The following TBC1D5 variants were observed in gnomAD, a reference collection of about 807,000 sequenced individuals.
TBC1D5 encodes the protein TBC1 domain family member 5.
Under a neutral mutation model 100.3 loss-of-function variants are expected in TBC1D5, and 75 were observed. That is an observed-to-expected ratio of 0.75 (90% CI 0.62 to 0.91). The LOEUF is 0.91. Among genes scored for constraint, TBC1D5 ranks in the 40% least tolerant of loss-of-function variants. The pLI is 0.00. For missense variants in TBC1D5, 910 were observed against 942.4 expected (o/e 0.97, Z 0.45); for synonymous variants, 323 against 325.6 (o/e 0.99, Z 0.09).
chr3:17,600,571 T>C (rs1036653157), intron 2 of TBC1D5, among the ~76,000 whole-genome samples: 1 of 152,108 alleles, frequency 6.6e-6, no homozygotes, highest in African/African-American at 2.4e-5. Flanking sequence ...CAAAATTCCA[T>C]AAGAAAAATG....
At chr3:17,418,576 A>G (rs1427162282) in intron 4 of TBC1D5, among the ~76,000 whole-genome samples, 1 of 152,094 alleles carries the variant, frequency 6.6e-6, no homozygotes, top group Non-Finnish European at 1.5e-5. Context: ...CTCTAGCCTA[A>G]GCAACAGAGT....
At chr3:17,405,263 T>C (rs1348798413) in intron 5 of TBC1D5, among the ~76,000 whole-genome samples, 2 of 152,040 alleles carry the variant, frequency 1.3e-5, no homozygotes, top group African/African-American at 4.8e-5. Context: ...TCAAATATAA[T>C]TCACATTTTA....
chr3:17,345,683 A>G (rs1303337276), intron 13 of TBC1D5, among the ~76,000 whole-genome samples: 2 of 151,610 alleles, frequency 1.3e-5, no homozygotes, highest in Non-Finnish European at 3.0e-5. Context: ...ATGTCCAACA[A>G]TGATAGACTG....
At chr3:17,455,041 C>T (rs2095025953) in intron 3 of TBC1D5, among the ~76,000 whole-genome samples, 2 of 151,402 alleles carry the variant, frequency 1.3e-5, no homozygotes, top group Middle Eastern at 3.4e-3. Flanking sequence ...AGATTCAATG[C>T]ATTCGCTATC....
intron 3 of TBC1D5, among the ~76,000 whole-genome samples, chr3:17,456,025 G>A (rs1044032968): frequency 6.6e-6 from 1 of 152,018 alleles, no homozygotes; most frequent in Non-Finnish European, 1.5e-5. Context: ...TTTGACAAAG[G>A]TGCCACTAAC....
intron 17 of TBC1D5, among the ~76,000 whole-genome samples, chr3:17,218,953 T>C (rs1417283102): frequency 6.6e-6 from 1 of 151,874 alleles, no homozygotes; most frequent in Non-Finnish European, 1.5e-5. Context: ...TTCATAAAAA[T>C]TGTGAAATAT....
In TBC1D5 at chr3:17,308,094, GCAGGGGGAACTCTCGTCCAA is replaced by G; in HGVS notation, c.1016_1035del (p.Phe339SerfsTer38). ...GCATCCCAGACCACCAGAAGGTCCT[GCAGGGGGAACTCTCGTCCAA>G]ATAGCAGCCGCACCCACCTTCTGGA... On this transcript the variant is annotated frameshift_variant, in exon 14 of 22. Transcript: ENST00000253692. LOFTEE classifies it high-confidence loss of function. The G allele has an allele frequency of 6.2e-7, 1 of 1,606,020 alleles. No homozygotes were observed. Among genetic ancestry groups the G allele is most frequent in the Non-Finnish European group, 8.5e-7 (1 of 1,178,170 alleles).
intron 5 of TBC1D5, 31 bp downstream of exon 5, chr3:17,406,387 C>G: frequency 6.3e-7 from 1 of 1,590,666 alleles, no homozygotes; most frequent in Non-Finnish European, 8.6e-7. Context: ...ATATTGCAAC[C>G]AGAAACTGTA....
intron 3 of TBC1D5, among the ~76,000 whole-genome samples, chr3:17,507,978 A>G (rs1343730070): frequency 2.0e-5 from 3 of 152,066 alleles, no homozygotes; most frequent in Non-Finnish European, 2.9e-5. Flanking sequence ...ATTTCAGTGT[A>G]TAGATCTTTT....
intron 4 of TBC1D5, among the ~76,000 whole-genome samples, chr3:17,418,418 G>A (rs769768010): frequency 7.9e-5 from 12 of 152,072 alleles, no homozygotes; most frequent in Admixed American, 5.2e-4. Context: ...GACCAGCCTG[G>A]CCAACATGGT....
At chr3:17,473,932 T>C (rs1433755540) in intron 3 of TBC1D5, among the ~76,000 whole-genome samples, 3 of 152,070 alleles carry the variant, frequency 2.0e-5, no homozygotes, top group African/African-American at 7.2e-5. Flanking sequence ...TTTTTACCTG[T>C]TTATGATCCA....
chr3:17,713,157 T>C (rs539954365), intron 1 of TBC1D5, among the ~76,000 whole-genome samples: 4 of 152,290 alleles, frequency 2.6e-5, no homozygotes, highest in Admixed American at 6.5e-5. Context: ...TTCTTAGATA[T>C]GACACCAAAA....
chr3:17,664,696 A>G (rs1284942000), intron 1 of TBC1D5, among the ~76,000 whole-genome samples: 1 of 152,210 alleles, frequency 6.6e-6, no homozygotes, highest in African/African-American at 2.4e-5. Context: ...CAAACACATT[A>G]TAGGACAAAA....
chr3:17,588,354 C>A (rs950004459), intron 2 of TBC1D5, among the ~76,000 whole-genome samples: 1 of 151,732 alleles, frequency 6.6e-6, no homozygotes, highest in African/African-American at 2.4e-5. Flanking sequence ...CTCAGAAATC[C>A]ATATGCAGAA....
intron 1 of TBC1D5, among the ~76,000 whole-genome samples, chr3:17,673,377 T>A (rs1333260317): frequency 8.7e-5 from 13 of 150,118 alleles, no homozygotes; most frequent in African/African-American, 2.7e-4. Context: ...TGGCATGATC[T>A]CGGCTCACTG....
chr3:17,303,778 C>G (rs1417215228), intron 14 of TBC1D5, among the ~76,000 whole-genome samples: 3 of 151,618 alleles, frequency 2.0e-5, no homozygotes, highest in Non-Finnish European at 4.4e-5. Context: ...CTCTACCCTC[C>G]TATCTCCCTT....
chr3:17,670,526 A>T (rs1053018245), intron 1 of TBC1D5, among the ~76,000 whole-genome samples: 1 of 152,222 alleles, frequency 6.6e-6, no homozygotes, highest in Non-Finnish European at 1.5e-5. Context: ...TTAGGATAGT[A>T]GTTATAAAAT....
chr3:17,538,910 G>A (rs1250025371), intron 2 of TBC1D5, among the ~76,000 whole-genome samples: 1 of 152,100 alleles, frequency 6.6e-6, no homozygotes, highest in Non-Finnish European at 1.5e-5. Context: ...GGCCAATCAT[G>A]GTGGATCACA....
chr3:17,488,039 T>C (rs577749473), intron 3 of TBC1D5, among the ~76,000 whole-genome samples: 6 of 152,226 alleles, frequency 3.9e-5, no homozygotes, highest in Non-Finnish European at 8.8e-5. Flanking sequence ...ATACATTTTA[T>C]ATGCTTTGAC....
Sources: gnomAD v4.1 joint callset for allele counts (sites outside exome capture counted in the v4.1 genomes callset) on GRCh38, gnomAD v4.1.1 for gene constraint, MANE v1.5 for transcripts, NCBI Gene and HGNC (gene_info 2026-07-23, HGNC 2026-07-21) for gene names.